CDCA7: variants seen among roughly 807,000 people sequenced by gnomAD.
The protein encoded by CDCA7 is cell division cycle-associated protein 7.
Under a neutral mutation model 54.0 loss-of-function variants are expected in CDCA7, and 28 were observed. That is an observed-to-expected ratio of 0.52 (90% CI 0.38 to 0.71). CDCA7 has a LOEUF of 0.71. CDCA7 is among the 30% of genes least tolerant of loss of function. The pLI is 0.00. For synonymous variants in CDCA7, 180 were observed against 208.2 expected (o/e 0.86, Z 1.16); for missense variants, 484 against 586.0 (o/e 0.83, Z 1.80).
chr2:173,364,735 C>G, intron 5 of CDCA7, 60 bp from the exon 6 acceptor site: 1 of 1,531,966 alleles, frequency 6.5e-7, no homozygotes, highest in Non-Finnish European at 8.7e-7. Flanking sequence ...ATGAATTCCC[C>G]AAAGTACTAC....
rs112984498 is a variant in CDCA7 at position 173,367,581 on chromosome 2, G to T, written c.1323-53G>T. ...AAAAATGAATTAGGCTTTCAAAAGA[G>T]AATTCTTTGGTTGAAAACTATGTCC... On this transcript the variant is annotated intron_variant, in intron 9 of 9. Coordinates refer to ENST00000306721, the MANE Select transcript of CDCA7 (RefSeq NM_031942.5). The T allele has an allele frequency of 1.7e-4, 280 of 1,602,084 alleles. No homozygotes were observed. The African/African-American group carries it at 3.3e-3, about 19-fold the overall frequency.
chr2:173,355,763 G>A (rs1242869488), intron 1 of CDCA7, among the ~76,000 whole-genome samples: 1 of 151,050 alleles, frequency 6.6e-6, no homozygotes, highest in Non-Finnish European at 1.5e-5. Context: ...CCAGAACGTA[G>A]GGTCGGGCTC....
rs1282855430 is a variant in CDCA7, at chr2:173,368,228, T to TA, written c.*565dup. ...GTCTCTCAATCCCATGTATTGCGCT[T>TA]ATGTTACAAGTTGTTGTCACAGTTG... On this transcript the variant is annotated 3_prime_UTR_variant, in exon 10 of 10. Coordinates refer to ENST00000306721, the MANE Select transcript of CDCA7 (RefSeq NM_031942.5). The TA allele has an allele frequency of 6.5e-6, 1 of 153,342 alleles. No homozygotes were observed. The highest frequency in any genetic ancestry group is 1.5e-5 in the Non-Finnish European group (1 of 68,754). The allele number at this position is 153,342 out of a possible 1,614,324, so 9.5% of individuals were successfully genotyped here.
intron 1 of CDCA7, among the ~76,000 whole-genome samples, chr2:173,355,224 C>T (rs528951411): frequency 1.3e-5 from 2 of 152,358 alleles, no homozygotes; most frequent in South Asian, 2.1e-4. Flanking sequence ...GAGTCGTTTG[C>T]AGGATGGCTA....
At chr2:173,357,720 ATT>A (rs879546641) in intron 1 of CDCA7, among the ~76,000 whole-genome samples, 2,662 of 152,234 alleles carry the variant, frequency 0.017, 36 homozygotes, top group South Asian at 0.043. Context: ...GTACAGTTTA[ATT>A]TTTTTAAAAA....
chr2:173,362,261 A>G (rs1247924618), intron 3 of CDCA7, among the ~76,000 whole-genome samples: 2 of 152,214 alleles, frequency 1.3e-5, no homozygotes, highest in Non-Finnish European at 2.9e-5. Context: ...GAGAAGTCAA[A>G]TGTATAGACA....
chr2:173,355,018 CGCGGTGGGT>C, intron 1 of CDCA7, 34 bp downstream of exon 1: 1 of 1,364,228 alleles, frequency 7.3e-7, no homozygotes, highest in Non-Finnish European at 9.4e-7. Flanking sequence ...GAGGGGCGGG[CGCGGTGGGT>C]GCTGGACGCA....
Position 173,366,521 on chromosome 2 carries a change from G to C in CDCA7, c.1185+89G>C. 1 of 1,521,364 alleles carries C rather than the reference G, an allele frequency of 6.6e-7. No homozygotes were observed. Among genetic ancestry groups the C allele is most frequent in the Non-Finnish European group, 8.9e-7 (1 of 1,125,372 alleles). 94.2% of individuals were successfully genotyped at this position (1,521,364 alleles called of 1,614,324 possible). A position where few individuals can be genotyped will look rare whatever the true frequency, so the allele number is the denominator to read the frequency against. The stretch of plus-strand genomic sequence containing the variant: ...AGAAAAAGGCATTGGTGAAGGGGTG[G>C]AGCCCTTTCTGTTATGGGGTGCTCT... On this transcript the variant is annotated intron_variant, in intron 8 of 9. Coordinates refer to ENST00000306721, the MANE Select transcript of CDCA7 (RefSeq NM_031942.5). This position sits in a 1 kb window ranked among gnomAD's most constrained non-coding sequence, Gnocchi z 4.5.
rs1333971158 is a variant in CDCA7 at position 173,367,236 on chromosome 2, G to A, written c.1272G>A (p.Val424=). 1.2e-6 allele frequency: 2 copies of A among 1,613,904 alleles called. No individual in the cohort carries two copies. The highest frequency in any genetic ancestry group is 2.2e-5 in the East Asian group (1 of 44,860). The change falls in exon 9 of 10, where the codon GTG becomes GTA. Residue 424 remains valine, a synonymous_variant. Coordinates refer to ENST00000306721, the MANE Select transcript of CDCA7 (RefSeq NM_031942.5). ...RDGRCATGVL[V]YLAKYHGFGN... The stretch of plus-strand genomic sequence containing the variant: ...GACGGTGTGCGACTGGGGTCCTTGT[G>A]TATTTAGCCAAATATCATGGCTTTG...
In CDCA7 at chr2:173,364,506, A is replaced by T. The variant is rs1181; in HGVS notation, c.700-289A>T. ...ACAGGGTCAAGAGACATCAGAGAAA[A>T]TTTTTTTTTTTAGAACAGAAGATCA... On this transcript the variant is annotated intron_variant, in intron 5 of 9. Transcript: ENST00000306721. 183,983 of 228,946 alleles carry T rather than the reference A, an allele frequency of 0.8. 72,895 individuals carry two copies. The highest frequency in any genetic ancestry group is 0.91 in the East Asian group (7,600 of 8,310). 14.2% of individuals were successfully genotyped at this position (228,946 alleles called of 1,614,324 possible). A position where few individuals can be genotyped will look rare whatever the true frequency, so the allele number is the denominator to read the frequency against.
At chr2:173,358,873 G>T (rs1383775127) in intron 2 of CDCA7, 36 bp downstream of exon 2, 8 of 1,592,452 alleles carry the variant, frequency 5.0e-6, no homozygotes, top group Non-Finnish European at 6.8e-6. Flanking sequence ...AATTGAGTCT[G>T]CAGTGCTCAA....
At chr2:173,367,459 A>G (rs1686745091) in intron 9 of CDCA7, among the ~76,000 whole-genome samples, 173 bp downstream of exon 9, 1 of 152,122 alleles carries the variant, frequency 6.6e-6, no homozygotes. Context: ...GGTGGTGGTA[A>G]CCCGGGTGGG....
At position 173,363,314 on chromosome 2, in the gene CDCA7, G is replaced by T; in HGVS notation, c.473G>T (p.Arg158Leu). The T allele has an allele frequency of 6.2e-7, 1 of 1,614,158 alleles. No individual in the cohort carries two copies. Among genetic ancestry groups the T allele is most frequent in the South Asian group, 1.1e-5 (1 of 91,090 alleles). The change falls in exon 4 of 10, where the codon CGG becomes CTG. Residue 158 changes from arginine (R) to leucine (L), a missense_variant. Around this residue, in one of 3 missense-constraint regions of CDCA7, gnomAD observed 398 missense variants for 447.4 expected, o/e 0.89. Transcript: ENST00000306721. Reference protein sequence around the residue: ...PLRVAMKFPARSTRGATNKKA... With the variant: ...PLRVAMKFPALSTRGATNKKA... ...AGGGTGGCGATGAAGTTTCCAGCGC[G>T]GAGTACCAGGGGAGCAACCAACAAA...
chr2:173,366,233 T>C lies in CDCA7; in HGVS notation c.1036-50T>C, dbSNP rs771719995. The C allele has an allele frequency of 1.9e-6, 3 of 1,562,808 alleles. No individual in the cohort carries two copies. Among genetic ancestry groups the C allele is most frequent in the Admixed American group, 3.9e-5 (2 of 51,732 alleles). ...TTCTGTAAATATGCCATTTCCTCTG[T>C]TGAAAAACAGTGGTTTTTTTTGTTT... is the stretch of plus-strand genomic sequence containing the variant. On this transcript the variant is annotated intron_variant, in intron 7 of 9. Transcript: ENST00000306721. This position sits in a 1 kb window ranked among gnomAD's most constrained non-coding sequence, Gnocchi z 4.5.
rs544862695 is a variant in CDCA7, at chr2:173,365,513, G to A, written c.956G>A (p.Arg319His). Reference sequence around the variant, plus strand: ...TCCGTGACCCTTCCGCATATAATTCGCCCAGTGGAAGAAATTACAGAGGAG... The same window carrying A: ...TCCGTGACCCTTCCGCATATAATTCACCCAGTGGAAGAAATTACAGAGGAG... Reference protein sequence around the residue: ...RSSVTLPHIIRPVEEITEEEL... With the variant: ...RSSVTLPHIIHPVEEITEEEL... Residue 319 changes from arginine (R) to histidine (H), a missense_variant, in exon 7 of 10, where the codon CGC (arginine) becomes CAC (histidine). By Grantham distance (29) the Arg-to-His change is conservative. Coordinates refer to ENST00000306721, the MANE Select transcript of CDCA7 (RefSeq NM_031942.5). 7 of 1,614,088 alleles carry A rather than the reference G, an allele frequency of 4.3e-6. No individual in the cohort carries two copies. The highest frequency in any genetic ancestry group is 4.5e-5 in the East Asian group (2 of 44,884).
In CDCA7 at chr2:173,358,695, G is replaced by C. The variant is rs113611019; in HGVS notation, c.22-17G>C. 7.4e-6 allele frequency: 12 copies of C among 1,610,962 alleles called. No individual in the cohort carries two copies. The East Asian group carries it at 2.7e-4, about 36-fold the overall frequency. On this transcript the variant is annotated splice_polypyrimidine_tract_variant and intron_variant, in intron 1 of 9. Coordinates refer to ENST00000306721, the MANE Select transcript of CDCA7 (RefSeq NM_031942.5). ...AGTAAGCATCACGCTTAATAGGATTGCTATTTCCATTTGCAGCAGAAAGAT... is the reference window on the plus strand; with the variant it reads ...AGTAAGCATCACGCTTAATAGGATTCCTATTTCCATTTGCAGCAGAAAGAT...
chr2:173,363,355 C>G lies in CDCA7; in HGVS notation c.514C>G (p.Gln172Glu). The change falls in exon 4 of 10, where the codon CAG becomes GAG. Residue 172 changes from glutamine to glutamate, a missense_variant. By Grantham distance (29) the Gln-to-Glu change is conservative. Transcript: ENST00000306721. The stretch of plus-strand genomic sequence containing the variant: ...AACCAACAAAAAAGCAGAGTCCCGC[C>G]AGCCCTCAGAGAATTCTGTGACTGA... Reference protein sequence around the residue: ...GATNKKAESRQPSENSVTDSN... With the variant: ...GATNKKAESREPSENSVTDSN... The G allele has an allele frequency of 6.2e-7, 1 of 1,614,172 alleles. No individual in the cohort carries two copies. Among genetic ancestry groups the G allele is most frequent in the Non-Finnish European group, 8.5e-7 (1 of 1,180,044 alleles).
At position 173,354,904 on chromosome 2, in the gene CDCA7, G is replaced by T. The variant is rs1462820603; in HGVS notation, c.-60G>T. ...CTGCTCCTCCTGCTGTGGGACCGCT[G>T]ACCGCGCGGCTGCTCCGCTCTCCCC... On this transcript the variant is annotated 5_prime_UTR_variant, in exon 1 of 10. Transcript: ENST00000306721. 2 of 1,475,492 alleles carry T rather than the reference G, an allele frequency of 1.4e-6. No individual in the cohort carries two copies. The highest frequency in any genetic ancestry group is 1.5e-5 in the African/African-American group (1 of 68,056). 91.4% of individuals were successfully genotyped at this position (1,475,492 alleles called of 1,614,324 possible). A position where few individuals can be genotyped will look rare whatever the true frequency, so the allele number is the denominator to read the frequency against.
intron 6 of CDCA7, among the ~76,000 whole-genome samples, 183 bp downstream of exon 6, chr2:173,365,172 A>G (rs1247441868): frequency 2.6e-5 from 4 of 152,196 alleles, no homozygotes; most frequent in Non-Finnish European, 5.9e-5. Context: ...GCAGGCGAGA[A>G]TTGGGTTTTC....
Sources: gnomAD v4.1 joint callset for allele counts (sites outside exome capture counted in the v4.1 genomes callset) on GRCh38, gnomAD v4.1.1 for gene constraint, gnomAD v4.1.1 regional missense constraint, Gnocchi (gnomAD v3.1) non-coding constraint, MANE v1.5 for transcripts, NCBI Gene and HGNC (gene_info 2026-07-23, HGNC 2026-07-21) for gene names.